RAPH1: variants seen among roughly 807,000 people sequenced by gnomAD.
RAPH1 encodes ras-associated and pleckstrin homology domains-containing protein 1.
Under a neutral mutation model 88.1 loss-of-function variants are expected in RAPH1, and 18 were observed. The observed-to-expected ratio is 0.20, with a 90% CI of 0.14 to 0.30. The LOEUF is 0.30. Ranked by LOEUF, RAPH1 falls within the 10% of genes least tolerant of loss-of-function variation. The pLI is 1.00. For missense variants in RAPH1, 1,448 were observed against 1,543.2 expected, an observed-to-expected ratio of 0.94 and a Z score of 1.03; for synonymous variants, 587 against 559.0, an observed-to-expected ratio of 1.05 and a Z score of -0.71.
chr2:203,488,693 A>G (rs1688105610), intron 4 of RAPH1, among the ~76,000 whole-genome samples: 1 of 149,452 alleles, frequency 6.7e-6, no homozygotes, highest in Non-Finnish European at 1.5e-5. Flanking sequence ...ACTCCATTTT[A>G]CTTGTGAGAA....
At chr2:203,503,870 C>A (rs1359613094) in intron 1 of RAPH1, among the ~76,000 whole-genome samples, 1 of 152,086 alleles carries the variant, frequency 6.6e-6, no homozygotes, top group Non-Finnish European at 1.5e-5. Context: ...GTTACAGGGC[C>A]CATGAAAGTC....
chr2:203,482,005 GCAGAAAAAAAAAACA>G (rs761960135), intron 4 of RAPH1, among the ~76,000 whole-genome samples: 1 of 135,428 alleles, frequency 7.4e-6, no homozygotes, highest in Non-Finnish European at 1.7e-5. Context: ...TTTTACTTCT[GCAGAAAAAAAAAACA>G]CACACACACA....
intron 13 of RAPH1, 62 bp from the exon 14 acceptor site, chr2:203,441,475 A>C (rs934561933): frequency 1.8e-5 from 26 of 1,471,370 alleles, no homozygotes; most frequent in Non-Finnish European, 1.9e-5. Flanking sequence ...ACAGTTACAG[A>C]GGTAAGCTTT....
intron 1 of RAPH1, among the ~76,000 whole-genome samples, chr2:203,530,860 C>T (rs933598772): frequency 6.6e-6 from 1 of 151,206 alleles, no homozygotes; most frequent in East Asian, 1.9e-4. Flanking sequence ...CCATTGCACT[C>T]CAGCCTGGGC....
At chr2:203,496,096 G>A (rs761187963) in intron 1 of RAPH1, among the ~76,000 whole-genome samples, 18 of 152,180 alleles carry the variant, frequency 1.2e-4, no homozygotes, top group Non-Finnish European at 1.9e-4. Flanking sequence ...GGTGGCTCAC[G>A]CCTGTAATTC....
At chr2:203,476,967 A>C in intron 4 of RAPH1, 1 of 766,942 alleles carries the variant, frequency 1.3e-6, no homozygotes, top group South Asian at 1.8e-5. Flanking sequence ...AGTTTGGTTT[A>C]ATTTTTATTT....
At chr2:203,508,759 G>A (rs763684938) in intron 1 of RAPH1, among the ~76,000 whole-genome samples, 1 of 152,052 alleles carries the variant, frequency 6.6e-6, no homozygotes, top group Non-Finnish European at 1.5e-5. Flanking sequence ...CTATAATTAG[G>A]AAAACAGTGT....
intron 1 of RAPH1, among the ~76,000 whole-genome samples, chr2:203,506,801 T>G (rs1689051367): frequency 8.3e-6 from 1 of 119,916 alleles, no homozygotes; most frequent in African/African-American, 3.9e-5. Context: ...TATCTATATA[T>G]ATATCTATAT....
intron 8 of RAPH1, among the ~76,000 whole-genome samples, chr2:203,456,981 A>AT (rs1317309922): frequency 1.3e-5 from 2 of 152,036 alleles, no homozygotes; most frequent in African/African-American, 2.4e-5. Context: ...GCAGCCCCTA[A>AT]AAGCTCATTA....
rs775525630 is a variant in RAPH1 at position 203,439,459 on chromosome 2, G to A, written c.3731C>T (p.Thr1244Ile). The change falls in exon 14 of 14, where the codon ACC becomes ATC. Residue 1244 changes from threonine (T) to isoleucine (I), a missense_variant. Physicochemically the swap from Thr to Ile is moderately conservative, Grantham distance 89 (BLOSUM62 -1). Transcript: ENST00000319170. ...PPAPPKRDQN[T>I]KLSRDW Reference sequence around the variant, plus strand: ...TGGCTACCAGTCTCTGGAGAGCTTGGTGTTCTGGTCTCTTTTGGGGGGAGC... The same window carrying A: ...TGGCTACCAGTCTCTGGAGAGCTTGATGTTCTGGTCTCTTTTGGGGGGAGC... 1 of 1,613,854 alleles carries A rather than the reference G, an allele frequency of 6.2e-7. No individual in the cohort carries two copies. Among genetic ancestry groups the A allele is most frequent in the South Asian group, 1.1e-5 (1 of 91,078 alleles).
chr2:203,473,323 T>C (rs1359981408), intron 4 of RAPH1, among the ~76,000 whole-genome samples: 1 of 152,006 alleles, frequency 6.6e-6, no homozygotes, highest in African/African-American at 2.4e-5. Context: ...GTACCAGTCA[T>C]AACACTGATC....
chr2:203,462,443 A>T (rs1302364178), intron 4 of RAPH1, among the ~76,000 whole-genome samples: 1 of 152,236 alleles, frequency 6.6e-6, no homozygotes, highest in African/African-American at 2.4e-5. Context: ...AAACCCTTTA[A>T]AAAATAAAAA....
At chr2:203,467,428 T>TA (rs35484682) in intron 4 of RAPH1, among the ~76,000 whole-genome samples, 207 of 142,344 alleles carry the variant, frequency 1.5e-3, no homozygotes, top group Middle Eastern at 3.7e-3. Flanking sequence ...CCGTCTCTAC[T>TA]AAAAAAAAAA....
chr2:203,455,846 T>TAA (rs1034193198), intron 8 of RAPH1, among the ~76,000 whole-genome samples: 52 of 123,386 alleles, frequency 4.2e-4, no homozygotes, highest in Non-Finnish European at 7.0e-4. Context: ...CGTCTCTACT[T>TAA]AAAAAAAAAA....
At position 203,439,941 on chromosome 2, in the gene RAPH1, A is replaced by G. The variant is rs2098501774; in HGVS notation, c.3249T>C (p.Pro1083=). ...FPPPPPETEL[P]LPPIEIPAVF... ...CTGCTGGAATCTCAATGGGGGGCAG[A>G]GGAAGCTCTGTTTCAGGTGGAGGGG... The change falls in exon 14 of 14, where the codon CCT becomes CCC. Residue 1083 remains proline, a synonymous_variant. Transcript: ENST00000319170. 2 of 1,613,820 alleles carry G rather than the reference A, an allele frequency of 1.2e-6. No individual in the cohort carries two copies. Among genetic ancestry groups the G allele is most frequent in the Non-Finnish European group, 1.7e-6 (2 of 1,179,990 alleles).
chr2:203,488,295 G>C lies in RAPH1; in HGVS notation c.732+1289C>G, dbSNP rs188750591. On this transcript the variant is annotated intron_variant, in intron 4 of 13. Transcript: ENST00000319170. ...TCTGAACCACCCTATCAGGAAGGCA[G>C]ATATAGTATTACGAACTCTGGCTGG... 4.0e-4 allele frequency among the ~76,000 whole-genome samples: 61 copies of C among 152,170 alleles called. No individual in the cohort carries two copies. In the East Asian group the frequency reaches 5.8e-3, roughly 14 times the overall value.
intron 13 of RAPH1, chr2:203,444,620 G>T (rs1403662005): frequency 1.9e-5 from 8 of 416,260 alleles, no homozygotes; most frequent in East Asian, 3.5e-5. Context: ...TAAACTGCCA[G>T]TTTTTTTTGT....
intron 1 of RAPH1, among the ~76,000 whole-genome samples, chr2:203,523,732 A>C (rs1165008278): frequency 6.6e-6 from 1 of 151,868 alleles, no homozygotes; most frequent in South Asian, 2.1e-4. Context: ...CACGGCCAGG[A>C]GCAGTGGCTC....
chr2:203,484,614 C>G (rs1249168432), intron 4 of RAPH1, among the ~76,000 whole-genome samples: 1 of 152,218 alleles, frequency 6.6e-6, no homozygotes, highest in South Asian at 2.1e-4. Context: ...CCAAGAGAAG[C>G]TGAATGCTGG....
Sources: gnomAD v4.1 joint callset for allele counts (sites outside exome capture counted in the v4.1 genomes callset) on GRCh38, gnomAD v4.1.1 for gene constraint, MANE v1.5 for transcripts, NCBI Gene and HGNC (gene_info 2026-07-23, HGNC 2026-07-21) for gene names.